EEF2K: variants seen among roughly 807,000 people sequenced by gnomAD.
The protein encoded by EEF2K is alternative protein EEF2K.
Under a neutral mutation model 93.8 loss-of-function variants are expected in EEF2K, and 70 were observed. The ratio of observed to expected loss-of-function variants is 0.75; its 90% confidence interval spans 0.62 to 0.91. EEF2K has a LOEUF of 0.91. Among genes scored for constraint, EEF2K ranks in the 40% least tolerant of loss-of-function variants. The probability of loss-of-function intolerance (pLI) is 0.00; values close to 1 mark genes in which losing one functional copy is unlikely to be tolerated. For missense variants in EEF2K, 935 were observed against 972.9 expected (o/e 0.96, Z 0.52); for synonymous variants, 376 against 380.8 (o/e 0.99, Z 0.15).
chr16:22,267,029 G>A (rs1302865319), intron 15 of EEF2K, among the ~76,000 whole-genome samples, 153 bp downstream of exon 15: 2 of 152,226 alleles, frequency 1.3e-5, no homozygotes, highest in African/African-American at 4.8e-5. Flanking sequence ...TGGTTTGGGG[G>A]CAGGCCCCTC....
intron 15 of EEF2K, among the ~76,000 whole-genome samples, chr16:22,267,652 TG>T (rs946344915): frequency 8.1e-5 from 12 of 147,536 alleles, no homozygotes; most frequent in Admixed American, 2.0e-4. Context: ...CCAAAGGGAG[TG>T]AGCCAGGCCA....
intron 14 of EEF2K, 21 bp from the exon 15 acceptor site, chr16:22,266,667 A>T: frequency 6.3e-7 from 1 of 1,595,860 alleles, no homozygotes. Flanking sequence ...AGCCAGGCCG[A>T]CACCGTAGTC....
At position 22,280,220 on chromosome 16, in the gene EEF2K, C is replaced by T. The variant is rs766451775; in HGVS notation, c.1912C>T (p.Leu638=). The T allele has an allele frequency of 7.0e-6, 11 of 1,566,138 alleles. No individual in the cohort carries two copies. Among genetic ancestry groups the T allele is most frequent in the Non-Finnish European group, 8.6e-6 (10 of 1,156,776 alleles). Residue 638 remains leucine, a synonymous_variant, in exon 17 of 18, where the codon CTG becomes TTG. Transcript: ENST00000263026. ...AAGGTGCCAAGACTGGCTAGAGGCC[C>T]TGCACTGGTACAACACTGCCCTGGA... ...PDRCQDWLEA[L]HWYNTALEMT...
intron 1 of EEF2K, among the ~76,000 whole-genome samples, chr16:22,222,406 A>G (rs987417872): frequency 2.0e-5 from 3 of 151,652 alleles, no homozygotes; most frequent in South Asian, 2.1e-4. Context: ...TCAGGGTCCC[A>G]TTATGTTGCC....
At chr16:22,255,888 C>T (rs1343139946) in intron 6 of EEF2K, among the ~76,000 whole-genome samples, 10 of 151,486 alleles carry the variant, frequency 6.6e-5, no homozygotes, top group South Asian at 2.1e-4. Context: ...CCAGCCTGGG[C>T]GACAGAGTGA....
At chr16:22,260,634 C>T in intron 11 of EEF2K, 105 bp downstream of exon 11, 1 of 1,372,954 alleles carries the variant, frequency 7.3e-7, no homozygotes, top group East Asian at 2.3e-5. Context: ...CAGCCTAGCC[C>T]AGGCACTGCC....
At chr16:22,207,558 G>A (rs776945236) in intron 1 of EEF2K, among the ~76,000 whole-genome samples, 2 of 151,986 alleles carry the variant, frequency 1.3e-5, no homozygotes, top group Non-Finnish European at 2.9e-5. Context: ...TATATGTCAG[G>A]TGCTTGGAAC....
chr16:22,212,276 C>T (rs989567635), intron 1 of EEF2K, among the ~76,000 whole-genome samples: 4 of 151,986 alleles, frequency 2.6e-5, no homozygotes, highest in African/African-American at 9.7e-5. Flanking sequence ...GTATCTCTGG[C>T]TTCTGCAGCA....
intron 16 of EEF2K, among the ~76,000 whole-genome samples, chr16:22,277,692 G>A (rs2047651241): frequency 6.6e-6 from 1 of 152,160 alleles, no homozygotes; most frequent in Non-Finnish European, 1.5e-5. Flanking sequence ...ACAGTGTTTG[G>A]GGGCAGAATC....
intron 1 of EEF2K, among the ~76,000 whole-genome samples, chr16:22,209,278 C>T (rs1429560183): frequency 1.3e-5 from 2 of 152,086 alleles, no homozygotes; most frequent in East Asian, 1.9e-4. Flanking sequence ...GTGATCCACC[C>T]GCCTCCCAAA....
intron 3 of EEF2K, among the ~76,000 whole-genome samples, chr16:22,245,405 G>A (rs947417290): frequency 6.6e-6 from 1 of 152,014 alleles, no homozygotes; most frequent in South Asian, 2.1e-4. Flanking sequence ...GCCCTGGGCC[G>A]GTGCAAACTG....
rs2047059291 is a variant in EEF2K at position 22,225,936 on chromosome 16, T to C, written c.207T>C (p.Tyr69=). ...GCAACCTAACAAAAAGTGAGCGGTA[T>C]AGCTCCAGCGGGTCCCCGGCAAACT... ...YYSNLTKSER[Y]SSSGSPANSF... The change falls in exon 2 of 18, where the codon TAT becomes TAC. Residue 69 remains tyrosine, a synonymous_variant. Coordinates refer to ENST00000263026, the MANE Select transcript of EEF2K (RefSeq NM_013302.5). 4 of 1,614,080 alleles carry C rather than the reference T, an allele frequency of 2.5e-6. No homozygotes were observed. In the East Asian group the frequency reaches 6.7e-5, roughly 27 times the overall value.
At chr16:22,221,137 G>T (rs773529866) in intron 1 of EEF2K, among the ~76,000 whole-genome samples, 2 of 152,194 alleles carry the variant, frequency 1.3e-5, no homozygotes, top group Non-Finnish European at 2.9e-5. Context: ...TGGGTGGTGT[G>T]TTAAGGAAAA....
intron 2 of EEF2K, among the ~76,000 whole-genome samples, 194 bp downstream of exon 2, chr16:22,226,169 G>T (rs961226460): frequency 1.3e-5 from 2 of 152,120 alleles, no homozygotes; most frequent in Non-Finnish European, 2.9e-5. Context: ...TTGGAACTGG[G>T]TGTTTTTCAA....
Position 22,254,414 on chromosome 16 carries a change from C to T in EEF2K, c.619-2334C>T, listed in dbSNP as rs1257743367. ...CTCACCTCTCAGATCAGGACCCCTT[C>T]GGCCTCTGCATCTGTTGTCTGCATG... On this transcript the variant is annotated intron_variant, in intron 6 of 17. Coordinates refer to ENST00000263026, the MANE Select transcript of EEF2K (RefSeq NM_013302.5). 6.6e-5 allele frequency among the ~76,000 whole-genome samples: 10 copies of T among 152,124 alleles called. No homozygotes were observed. The East Asian group carries it at 9.7e-4, about 15-fold the overall frequency.
chr16:22,244,098 G>A (rs924744976), intron 2 of EEF2K, among the ~76,000 whole-genome samples: 4 of 151,616 alleles, frequency 2.6e-5, no homozygotes, highest in East Asian at 1.9e-4. Flanking sequence ...GCGTGGTGGC[G>A]GGCGCCTATA....
At chr16:22,235,439 G>A (rs2047158632) in intron 2 of EEF2K, among the ~76,000 whole-genome samples, 1 of 152,072 alleles carries the variant, frequency 6.6e-6, no homozygotes, top group South Asian at 2.1e-4. Flanking sequence ...TCAGCCCATT[G>A]TATGGCTACA....
At chr16:22,235,171 A>G (rs576750200) in intron 2 of EEF2K, among the ~76,000 whole-genome samples, 244 of 151,992 alleles carry the variant, frequency 1.6e-3, no homozygotes, top group African/African-American at 5.6e-3. Context: ...CTGAGATTGT[A>G]CAACTGCACT....
At chr16:22,210,188 G>T (rs541295708) in intron 1 of EEF2K, among the ~76,000 whole-genome samples, 1 of 152,284 alleles carries the variant, frequency 6.6e-6, no homozygotes, top group South Asian at 2.1e-4. Flanking sequence ...CAAAGTCCCA[G>T]GGCTGTGGGA....
Sources: allele counts gnomAD v4.1 joint callset (sites outside exome capture counted in the v4.1 genomes callset), GRCh38; gene constraint gnomAD v4.1.1; transcripts MANE v1.5; gene names NCBI Gene and HGNC (gene_info 2026-07-23, HGNC 2026-07-21).